PPP2R5C: variants seen among roughly 807,000 people sequenced by gnomAD.
PPP2R5C encodes protein phosphatase 2 regulatory subunit B'gamma.
In PPP2R5C, 7 loss-of-function variants were observed where a neutral mutation model predicts 68.9. The ratio of observed to expected loss-of-function variants is 0.10; its 90% CI spans 0.06 to 0.19. The LOEUF is 0.19. Among genes scored for constraint, PPP2R5C ranks in the 10% least tolerant of loss-of-function variants. The pLI is 1.00. For missense variants in PPP2R5C, 348 were observed against 641.3 expected, an observed-to-expected ratio of 0.54 and a Z score of 4.94; for synonymous variants, 210 against 222.2, an observed-to-expected ratio of 0.95 and a Z score of 0.49.
At chr14:101,777,308 GTA>G (rs2037476059) in intron 2 of PPP2R5C, among the ~76,000 whole-genome samples, 1 of 152,018 alleles carries the variant, frequency 6.6e-6, no homozygotes, top group Admixed American at 6.5e-5. Flanking sequence ...GTTCTTTTGG[GTA>G]TATGCCTAGG....
intron 13 of PPP2R5C, among the ~76,000 whole-genome samples, chr14:101,924,493 A>C (rs1267915286): frequency 9.3e-6 from 1 of 107,418 alleles, no homozygotes; most frequent in Non-Finnish European, 2.0e-5. Flanking sequence ...CCCAGGCTGG[A>C]CTGCAGTGGT....
At chr14:101,836,298 A>G in intron 1 of PPP2R5C, 1 of 702,802 alleles carries the variant, frequency 1.4e-6, no homozygotes, top group Non-Finnish European at 2.6e-6. Flanking sequence ...CAAAGCATGG[A>G]CGGAGCTGCC....
chr14:101,925,693 T>G (rs947182174), exon 14 of PPP2R5C: 15 of 154,766 alleles, frequency 9.7e-5, no homozygotes, highest in Non-Finnish European at 1.6e-4. Context: ...TTTAAGACTT[T>G]ACAGCCTTTG....
intron 1 of PPP2R5C, chr14:101,833,305 G>A (rs2040869076): frequency 6.6e-6 from 1 of 152,364 alleles, no homozygotes; most frequent in Non-Finnish European, 1.5e-5. Context: ...TTAATTCGAG[G>A]TGGAGCTTCC....
At chr14:101,850,445 A>G (rs1217235173) in intron 1 of PPP2R5C, among the ~76,000 whole-genome samples, 1 of 152,258 alleles carries the variant, frequency 6.6e-6, no homozygotes, top group Non-Finnish European at 1.5e-5. Flanking sequence ...CATTTTGAGA[A>G]GAAAATTAGA....
chr14:101,871,689 CTTCT>C, intron 2 of PPP2R5C, among the ~76,000 whole-genome samples: 1 of 151,566 alleles, frequency 6.6e-6, no homozygotes, highest in Admixed American at 6.6e-5. Flanking sequence ...TATCGTTTCT[CTTCT>C]TTGTCTGCAT....
At chr14:101,890,048 C>G (rs934929675) in intron 5 of PPP2R5C, 189 bp from the exon 8 acceptor site, 2 of 690,450 alleles carry the variant, frequency 2.9e-6, no homozygotes, top group East Asian at 5.6e-5. Flanking sequence ...TCTCTGCCCT[C>G]GAGGCATTTA....
chr14:101,926,908 C>T (rs2047307993), exon 14 of PPP2R5C: 1 of 151,988 alleles, frequency 6.6e-6, no homozygotes, highest in South Asian at 2.1e-4. Flanking sequence ...GCGAAGATTG[C>T]CCCAGCTAAA....
intron 2 of PPP2R5C, among the ~76,000 whole-genome samples, chr14:101,874,262 G>T (rs6575881): frequency 0.13 from 19,561 of 152,126 alleles, 2,739 homozygotes; most frequent in African/African-American, 0.34. Flanking sequence ...GTTCTGCTAT[G>T]CTAAAGCATT....
intron 1 of PPP2R5C, among the ~76,000 whole-genome samples, chr14:101,830,260 A>G (rs1348596250): frequency 6.6e-6 from 1 of 152,236 alleles, no homozygotes; most frequent in Non-Finnish European, 1.5e-5. Flanking sequence ...TACAGCCCAT[A>G]TGAAGTTTTG....
chr14:101,862,361 C>T (rs1322206290), intron 2 of PPP2R5C, among the ~76,000 whole-genome samples: 3 of 152,150 alleles, frequency 2.0e-5, no homozygotes, highest in Non-Finnish European at 2.9e-5. Context: ...CTTGGAAGAG[C>T]CACCTAACTC....
At chr14:101,896,440 G>C (rs370009011) in intron 8 of PPP2R5C, among the ~76,000 whole-genome samples, 2 of 151,952 alleles carry the variant, frequency 1.3e-5, no homozygotes, top group African/African-American at 4.8e-5. Flanking sequence ...ACCAAAATCT[G>C]TATATCTTCT....
intron 1 of PPP2R5C, among the ~76,000 whole-genome samples, chr14:101,854,884 C>T (rs1483835440): frequency 2.0e-5 from 3 of 152,154 alleles, no homozygotes; most frequent in Non-Finnish European, 2.9e-5. Flanking sequence ...GATCTAGCCA[C>T]GTTGGCCAGG....
chr14:101,765,393 G>C (rs2036798233), intron 2 of PPP2R5C: 1 of 624,710 alleles, frequency 1.6e-6, no homozygotes, highest in Admixed American at 2.5e-5. Flanking sequence ...TCAGTCTTCA[G>C]CTCACTGCTT....
chr14:101,791,615 A>G (rs549771058), intron 3 of PPP2R5C, among the ~76,000 whole-genome samples: 5 of 151,828 alleles, frequency 3.3e-5, no homozygotes, highest in South Asian at 2.1e-4. Context: ...AGATTTGTCT[A>G]TATGTGTCAA....
chr14:101,878,210 A>G (rs768602241), intron 2 of PPP2R5C, among the ~76,000 whole-genome samples: 1 of 152,214 alleles, frequency 6.6e-6, no homozygotes, highest in Admixed American at 6.5e-5. Flanking sequence ...TTCACCCTTC[A>G]TTATTTTCTC....
At chr14:101,784,798 G>A (rs1430944234) in intron 2 of PPP2R5C, among the ~76,000 whole-genome samples, 1 of 152,208 alleles carries the variant, frequency 6.6e-6, no homozygotes, top group African/African-American at 2.4e-5. Context: ...AAATCATCTT[G>A]ACGGTGGACA....
chr14:101,900,764 TA>T (rs2045637859), intron 8 of PPP2R5C, among the ~76,000 whole-genome samples: 1 of 152,198 alleles, frequency 6.6e-6, no homozygotes, highest in South Asian at 2.1e-4. Context: ...CCAAGGAACA[TA>T]AAACATCCAC....
chr14:101,926,757 C>T (rs1191817421), exon 14 of PPP2R5C: 2 of 152,196 alleles, frequency 1.3e-5, no homozygotes, highest in African/African-American at 4.8e-5. Flanking sequence ...GAAGCAGACA[C>T]TGCTCCTTGT....
Sources: gnomAD v4.1 joint callset for allele counts (sites outside exome capture counted in the v4.1 genomes callset) on GRCh38, gnomAD v4.1.1 for gene constraint, MANE v1.5 for transcripts, NCBI Gene and HGNC (gene_info 2026-07-23, HGNC 2026-07-21) for gene names.